Variants in KATNIP observed in about 807,000 individuals in gnomAD.
KATNIP encodes the protein katanin interacting protein.
Under a neutral mutation model 174.0 loss-of-function variants are expected in KATNIP, and 126 were observed. The observed-to-expected ratio is 0.72, with a 90% CI of 0.63 to 0.84. KATNIP has a LOEUF of 0.84. Ranked by LOEUF, KATNIP falls within the 40% of genes least tolerant of loss-of-function variation. The probability of loss-of-function intolerance (pLI) is 0.00; values close to 1 mark genes in which losing one functional copy is unlikely to be tolerated. For missense variants in KATNIP, 1,958 were observed against 2,109.7 expected, an observed-to-expected ratio of 0.93 and a Z score of 1.41; for synonymous variants, 810 against 835.7, an observed-to-expected ratio of 0.97 and a Z score of 0.53.
intron 13 of KATNIP, 54 bp downstream of exon 13, chr16:27,708,974 C>A (rs762239772): frequency 1.8e-5 from 25 of 1,409,658 alleles, no homozygotes; most frequent in Non-Finnish European, 2.4e-5. Flanking sequence ...CATGCATTTT[C>A]TCTGCCCTTG....
intron 23 of KATNIP, 85 bp from the exon 24 acceptor site, chr16:27,774,860 C>A: frequency 6.6e-7 from 1 of 1,523,624 alleles, no homozygotes; most frequent in Admixed American, 1.7e-5. Context: ...GCCCCAGAGT[C>A]CCCCGAGCCA....
intron 14 of KATNIP, among the ~76,000 whole-genome samples, chr16:27,729,052 A>G (rs944215945): frequency 3.9e-5 from 6 of 152,176 alleles, no homozygotes; most frequent in African/African-American, 1.2e-4. Context: ...TAGCAGGGCT[A>G]TTTTATCAGC....
chr16:27,558,924 A>G (rs1274665628), intron 1 of KATNIP, among the ~76,000 whole-genome samples: 2 of 152,244 alleles, frequency 1.3e-5, no homozygotes, highest in Admixed American at 6.5e-5. Context: ...TGGAAGGCCC[A>G]TTTCAGCCTT....
At chr16:27,750,952 T>C (rs920850172) in intron 16 of KATNIP, among the ~76,000 whole-genome samples, 1 of 151,952 alleles carries the variant, frequency 6.6e-6, no homozygotes, top group Non-Finnish European at 1.5e-5. Flanking sequence ...GGTCTCGAAC[T>C]CCTGGGCTCA....
At chr16:27,683,167 C>T (rs1053119648) in intron 8 of KATNIP, among the ~76,000 whole-genome samples, 7 of 152,162 alleles carry the variant, frequency 4.6e-5, no homozygotes, top group South Asian at 4.2e-4. Context: ...ACCCAGGTCC[C>T]GGAGTTGGGA....
intron 2 of KATNIP, among the ~76,000 whole-genome samples, chr16:27,610,271 G>C (rs2075852136): frequency 6.6e-6 from 1 of 152,094 alleles, no homozygotes; most frequent in African/African-American, 2.4e-5. Flanking sequence ...GCCTGGGAGG[G>C]GAGAGCAGGG....
Position 27,740,462 on chromosome 16 carries a change from A to G in KATNIP, c.2165A>G (p.Lys722Arg). The G allele has an allele frequency of 1.9e-6, 3 of 1,614,150 alleles. No individual in the cohort carries two copies. Among genetic ancestry groups the G allele is most frequent in the Non-Finnish European group, 2.5e-6 (3 of 1,180,040 alleles). Reference sequence around the variant, plus strand: ...GCTCCTGCCACTTCCCCACCTGTGAAGTGCCCTCCTGTCCATGAGGAGCCC... The same window carrying G: ...GCTCCTGCCACTTCCCCACCTGTGAGGTGCCCTCCTGTCCATGAGGAGCCC... ...PSAPATSPPV[K>R]CPPVHEEPSL... The change falls in exon 15 of 28, where the codon AAG becomes AGG. Residue 722 changes from lysine to arginine, a missense_variant. Around this residue, in one of 3 missense-constraint regions of KATNIP, gnomAD observed 1,557 missense variants for 1,617.8 expected, o/e 0.96. Transcript: ENST00000261588.
At chr16:27,553,015 G>A (rs2089456534) in intron 1 of KATNIP, among the ~76,000 whole-genome samples, 1 of 152,188 alleles carries the variant, frequency 6.6e-6, no homozygotes, top group Non-Finnish European at 1.5e-5. Flanking sequence ...TTTCTTAAAT[G>A]TTAGTCACAG....
chr16:27,666,452 C>CT (rs2077686246), intron 6 of KATNIP, among the ~76,000 whole-genome samples: 1 of 151,860 alleles, frequency 6.6e-6, no homozygotes, highest in Admixed American at 6.6e-5. Flanking sequence ...GAGTCTCACT[C>CT]TGTCACCCAG....
chr16:27,649,904 T>C (rs1201616288), intron 6 of KATNIP, among the ~76,000 whole-genome samples: 1 of 152,092 alleles, frequency 6.6e-6, no homozygotes, highest in Non-Finnish European at 1.5e-5. Context: ...GGCCAGGCGC[T>C]GTGGCTCACG....
At chr16:27,631,624 T>A (rs754273610) in intron 5 of KATNIP, among the ~76,000 whole-genome samples, 1 of 151,912 alleles carries the variant, frequency 6.6e-6, no homozygotes, top group Non-Finnish European at 1.5e-5. Flanking sequence ...CATGTGGAAC[T>A]GACCTTTGGA....
intron 18 of KATNIP, chr16:27,757,404 C>T (rs1157460592): frequency 9.0e-6 from 6 of 667,112 alleles, no homozygotes; most frequent in Non-Finnish European, 1.1e-5. Context: ...TTCTCCAGAG[C>T]GGGTCAGAGT....
intron 20 of KATNIP, 32 bp downstream of exon 20, chr16:27,766,506 C>T (rs2082130449): frequency 6.3e-7 from 1 of 1,593,070 alleles, no homozygotes. Context: ...GTGCTCAGTC[C>T]AGCATCAGGG....
chr16:27,619,237 T>C (rs1229469043), intron 3 of KATNIP, among the ~76,000 whole-genome samples: 1 of 152,222 alleles, frequency 6.6e-6, no homozygotes, highest in Non-Finnish European at 1.5e-5. Flanking sequence ...TCCAAGCTGC[T>C]CAGCCCAGGC....
At chr16:27,605,310 A>G (rs2075665351) in intron 2 of KATNIP, among the ~76,000 whole-genome samples, 1 of 152,176 alleles carries the variant, frequency 6.6e-6, no homozygotes, top group East Asian at 1.9e-4. Context: ...TTAGAAGAAA[A>G]TTTTTCTGAG....
chr16:27,732,611 AGG>A (rs2080736729), intron 14 of KATNIP, among the ~76,000 whole-genome samples: 1 of 152,112 alleles, frequency 6.6e-6, no homozygotes, highest in African/African-American at 2.4e-5. Flanking sequence ...GTCAGGGAGG[AGG>A]GGGAGACAGG....
chr16:27,764,271 G>A (rs1019045360), intron 19 of KATNIP, among the ~76,000 whole-genome samples: 1 of 152,176 alleles, frequency 6.6e-6, no homozygotes, highest in Non-Finnish European at 1.5e-5. Context: ...TGTTTCTCTA[G>A]CATCGTCTAA....
intron 6 of KATNIP, among the ~76,000 whole-genome samples, chr16:27,663,485 C>T (rs1430519141): frequency 2.0e-5 from 3 of 151,800 alleles, no homozygotes; most frequent in African/African-American, 7.3e-5. Context: ...CTCTGTCGCC[C>T]AGGCTGGAGT....
chr16:27,693,246 G>C (rs1257680704), intron 8 of KATNIP, among the ~76,000 whole-genome samples: 2 of 152,174 alleles, frequency 1.3e-5, no homozygotes, highest in Non-Finnish European at 2.9e-5. Flanking sequence ...TGACAGATGA[G>C]AAGGGCAAAG....
Sources: gnomAD v4.1 joint callset for allele counts (sites outside exome capture counted in the v4.1 genomes callset) on GRCh38, gnomAD v4.1.1 for gene constraint, gnomAD v4.1.1 regional missense constraint, MANE v1.5 for transcripts, NCBI Gene and HGNC (gene_info 2026-07-23, HGNC 2026-07-21) for gene names.